The following SMG6 variants were observed in gnomAD, a reference collection of about 807,000 sequenced individuals.
SMG6 encodes SMG6 nonsense mediated mRNA decay factor, also known as telomerase-binding protein EST1A.
A neutral mutation model predicts 142.2 loss-of-function variants in SMG6; 66 were observed. That is an observed-to-expected ratio of 0.46 (90% CI 0.38 to 0.57). The LOEUF (loss-of-function observed/expected upper bound fraction) is 0.57, where lower values mean the gene tolerates loss of function less well. SMG6 is among the 20% of genes least tolerant of loss of function. The pLI, the probability that SMG6 is intolerant of heterozygous loss-of-function variation, is 0.00. For synonymous variants in SMG6, 779 were observed against 702.4 expected, an observed-to-expected ratio of 1.11 and a Z score of -1.72; for missense variants, 1,793 against 1,832.0, an observed-to-expected ratio of 0.98 and a Z score of 0.39.
intron 8 of SMG6, among the ~76,000 whole-genome samples, chr17:2,262,017 G>A (rs1244653476): frequency 6.6e-6 from 1 of 152,130 alleles, no homozygotes; most frequent in African/African-American, 2.4e-5. Context: ...AGAGATTTGT[G>A]GCACAAGTAA....
At chr17:2,144,421 G>T (rs2070597816) in intron 13 of SMG6, among the ~76,000 whole-genome samples, 1 of 151,934 alleles carries the variant, frequency 6.6e-6, no homozygotes, top group Non-Finnish European at 1.5e-5. Context: ...TTCCCGGGCG[G>T]GTCTGGAACT....
At chr17:2,277,756 G>A (rs2074694227) in intron 8 of SMG6, among the ~76,000 whole-genome samples, 1 of 152,166 alleles carries the variant, frequency 6.6e-6, no homozygotes, top group Non-Finnish European at 1.5e-5. Flanking sequence ...GTTAAAAAAT[G>A]TATTTCAGCC....
At chr17:2,266,601 A>C (rs1224042338) in intron 8 of SMG6, among the ~76,000 whole-genome samples, 3 of 152,202 alleles carry the variant, frequency 2.0e-5, no homozygotes, top group African/African-American at 4.8e-5. Flanking sequence ...TTGGTGTTTA[A>C]CCAGCCTCAG....
intron 13 of SMG6, among the ~76,000 whole-genome samples, chr17:2,114,731 C>A (rs1183971907): frequency 6.6e-6 from 1 of 151,728 alleles, no homozygotes; most frequent in Non-Finnish European, 1.5e-5. Context: ...GAGTTTGAGA[C>A]CATCCTGGCC....
At chr17:2,301,990 C>A (rs190636928) in intron 1 of SMG6, among the ~76,000 whole-genome samples, 7 of 152,206 alleles carry the variant, frequency 4.6e-5, no homozygotes, top group Non-Finnish European at 1.0e-4. Context: ...CAGTAGCTCA[C>A]GCCTATAATC....
chr17:2,128,423 C>A (rs995323118), intron 13 of SMG6, among the ~76,000 whole-genome samples: 3 of 152,222 alleles, frequency 2.0e-5, no homozygotes, highest in African/African-American at 7.2e-5. Flanking sequence ...ACTTTCCCCA[C>A]TGCAGAAAGT....
In SMG6 at chr17:2,279,890, C is replaced by T. The variant is rs151328775; in HGVS notation, c.2661+2757G>A. Among the ~76,000 whole-genome samples, 9 of 152,166 alleles carry T rather than the reference C, an allele frequency of 5.9e-5. No homozygotes were observed. The East Asian group carries it at 1.5e-3, about 26-fold the overall frequency. On this transcript the variant is annotated intron_variant, in intron 8 of 18. Transcript: ENST00000263073. ...TACGACATCTTTAAGCTGCAAAATG[C>T]GGCCTCGCCCCAGCCTTCCCTAACC...
At position 2,300,578 on chromosome 17, in the gene SMG6, G is replaced by A; in HGVS notation, c.175C>T (p.Leu59=). The A allele has an allele frequency of 4.3e-6, 7 of 1,613,994 alleles. No homozygotes were observed. The highest frequency in any genetic ancestry group is 5.9e-6 in the Non-Finnish European group (7 of 1,179,940). Residue 59 remains leucine, a synonymous_variant, in exon 2 of 19, where the codon CTA becomes TTA. Coordinates refer to ENST00000263073, the MANE Select transcript of SMG6 (RefSeq NM_017575.5). ...TCCTTGATTTTGGGCTTGTTCCTTA[G>A]CCGAGAAAGGCCAGGCTTATAGATT... The part of the protein sequence containing the change: ...LEIYKPGLSR[L]RNKPKIKEPP...
At chr17:2,081,715 T>C in intron 15 of SMG6, 95 bp downstream of exon 15, 1 of 1,414,624 alleles carries the variant, frequency 7.1e-7, no homozygotes, top group South Asian at 1.2e-5. Context: ...GACTCACTCT[T>C]AGTGTCCTGC....
At position 2,230,202 on chromosome 17, in the gene SMG6, AAAAAAAAAAAAAAAAAAAAG is replaced by A. The variant is rs1221652767; in HGVS notation, c.2869+6270_2869+6289del. Among the ~76,000 whole-genome samples the A allele has an allele frequency of 1.1e-3, 123 of 114,658 alleles. 4 individuals are homozygous for A. The highest frequency in any genetic ancestry group is 2.0e-3 in the Admixed American group (18 of 8,980). 75.2% of individuals were successfully genotyped at this position (114,658 alleles called of 152,430 possible). A position where few individuals can be genotyped will look rare whatever the true frequency, so the allele number is the denominator to read the frequency against. ...CTCCGTCTCCAAAAAAAAAAAAAAA[AAAAAAAAAAAAAAAAAAAAG>A]GAAAAGAAAGGAAAAGAAAAGTGTC... On this transcript the variant is annotated intron_variant, in intron 10 of 18. Transcript: ENST00000263073.
intron 10 of SMG6, among the ~76,000 whole-genome samples, chr17:2,202,016 T>C (rs1382992428): frequency 6.8e-6 from 1 of 147,012 alleles, no homozygotes; most frequent in African/African-American, 2.5e-5. Context: ...AGAGCGAGAC[T>C]CCATCTCAAA....
chr17:2,184,545 T>A (rs1341050391), intron 12 of SMG6, among the ~76,000 whole-genome samples: 2 of 147,896 alleles, frequency 1.4e-5, no homozygotes, highest in African/African-American at 2.5e-5. Context: ...TAGTCCCAGC[T>A]ACTTGGGAGG....
intron 8 of SMG6, among the ~76,000 whole-genome samples, chr17:2,277,526 C>T (rs192740386): frequency 6.6e-6 from 1 of 152,144 alleles, no homozygotes; most frequent in African/African-American, 2.4e-5. Flanking sequence ...TTAAATCAGG[C>T]TCCTATCTTT....
At chr17:2,292,779 C>A (rs1043792140) in intron 5 of SMG6, 92 bp downstream of exon 5, 10 of 1,387,884 alleles carry the variant, frequency 7.2e-6, no homozygotes, top group Non-Finnish European at 1.0e-5. Context: ...AATAGGGACA[C>A]CTGTACAACA....
intron 13 of SMG6, chr17:2,089,582 C>T (rs1275707860): frequency 5.2e-5 from 8 of 152,520 alleles, no homozygotes; most frequent in African/African-American, 1.7e-4. Context: ...TGAAGATTGT[C>T]GGAGGCAGCT....
At position 2,068,977 on chromosome 17, in the gene SMG6, C is replaced by T; in HGVS notation, c.3682-46G>A. On this transcript the variant is annotated intron_variant, in intron 15 of 18. Transcript: ENST00000263073. The surrounding 1 kb of genome is among the most constrained non-coding windows in gnomAD (Gnocchi z 6.7). ...ATGAGCCAGACAGCGAGCAGGCAAG[C>T]AGGTGGGTGAGCCAGGGCCCTGACA... 1 of 1,601,190 alleles carries T rather than the reference C, an allele frequency of 6.2e-7. No individual in the cohort carries two copies. The highest frequency in any genetic ancestry group is 8.5e-7 in the Non-Finnish European group (1 of 1,171,402).
chr17:2,097,411 T>C (rs749093950), intron 13 of SMG6, among the ~76,000 whole-genome samples: 2 of 152,136 alleles, frequency 1.3e-5, no homozygotes, highest in Non-Finnish European at 2.9e-5. Flanking sequence ...GCTGGGATGA[T>C]AGGCATGAGT....
intron 13 of SMG6, among the ~76,000 whole-genome samples, chr17:2,109,958 C>T (rs2069264200): frequency 6.6e-6 from 1 of 151,952 alleles, no homozygotes; most frequent in Admixed American, 6.6e-5. Flanking sequence ...TGGTGCACGT[C>T]TGCAGTCCCA....
Position 2,265,066 on chromosome 17 carries a change from C to T in SMG6, c.2661+17581G>A, listed in dbSNP as rs542776425. Among the ~76,000 whole-genome samples, 133 of 152,224 alleles carry T rather than the reference C, an allele frequency of 8.7e-4. 1 individual carries two copies. Among genetic ancestry groups the T allele is most frequent in the African/African-American group, 3.1e-3 (130 of 41,538 alleles). On this transcript the variant is annotated intron_variant, in intron 8 of 18. Coordinates refer to ENST00000263073, the MANE Select transcript of SMG6 (RefSeq NM_017575.5). ...GAGGAAATGAAGGAGTAAACCTTAA[C>T]AAAATGTTTTTGACCTTGTCAAGCT...
Sources: allele counts gnomAD v4.1 joint callset (sites outside exome capture counted in the v4.1 genomes callset), GRCh38; gene constraint gnomAD v4.1.1; non-coding constraint Gnocchi (gnomAD v3.1); transcripts MANE v1.5; gene names NCBI Gene and HGNC (gene_info 2026-07-23, HGNC 2026-07-21).